The following KANK1 variants were observed in gnomAD, a reference collection of about 807,000 sequenced individuals.
The protein encoded by KANK1 is KN motif and ankyrin repeat domain-containing protein 1.
A neutral mutation model predicts 106.2 loss-of-function variants in KANK1; 109 were observed. The ratio of observed to expected loss-of-function variants is 1.03; its 90% CI spans 0.88 to 1.20. KANK1 has a LOEUF of 1.20. KANK1 is among the 50% of genes most tolerant of loss of function. KANK1 has a pLI of 0.00. For synonymous variants in KANK1, 873 were observed against 652.2 expected (o/e 1.34, Z -5.16); for missense variants, 2,399 against 1,710.7 (o/e 1.40, Z -7.10).
At chr9:652,113 T>C (rs1274542589) in intron 1 of KANK1, among the ~76,000 whole-genome samples, 1 of 152,214 alleles carries the variant, frequency 6.6e-6, no homozygotes, top group Non-Finnish European at 1.5e-5. Flanking sequence ...ATTTTCTTCA[T>C]CTCACAGATT....
At chr9:497,462 T>G (rs10120651) in intron 3 of KANK1, among the ~76,000 whole-genome samples, 1 of 150,764 alleles carries the variant, frequency 6.6e-6, no homozygotes, top group Non-Finnish European at 1.5e-5. Flanking sequence ...ACTCACACTC[T>G]TGCCACCATG....
intron 1 of KANK1, among the ~76,000 whole-genome samples, chr9:623,185 T>G (rs1833556890): frequency 6.6e-6 from 1 of 151,938 alleles, no homozygotes; most frequent in Admixed American, 6.6e-5. Context: ...GTCCATAATA[T>G]ACGAGAAACT....
At chr9:484,650 G>A (rs1051209327) in intron 3 of KANK1, among the ~76,000 whole-genome samples, 6 of 152,028 alleles carry the variant, frequency 3.9e-5, no homozygotes, top group Admixed American at 3.3e-4. Context: ...GATATAAAGT[G>A]ACCAAAAAGA....
At chr9:614,064 G>A (rs1374199140) in intron 1 of KANK1, among the ~76,000 whole-genome samples, 9 of 152,264 alleles carry the variant, frequency 5.9e-5, no homozygotes, top group African/African-American at 1.4e-4. Flanking sequence ...GGAGCAAGTC[G>A]GCCAGCAGAG....
In KANK1 at chr9:742,642, T is replaced by G. The variant is rs10758863; in HGVS notation, c.3897+237T>G. 0.42 allele frequency among the ~76,000 whole-genome samples: 63,862 copies of G among 152,000 alleles called. 13,536 individuals are homozygous for G. Among genetic ancestry groups the G allele is most frequent in the South Asian group, 0.51 (2,463 of 4,814 alleles). ...GAATAAATAGGCCCTACCCCAAAAA[T>G]TCATGAAATGAAAAAGTGATTTAAC... On this transcript the variant is annotated intron_variant, in intron 10 of 11. Coordinates refer to ENST00000382297, the MANE Select transcript of KANK1 (RefSeq NM_015158.5).
chr9:679,152 G>T (rs577796761), intron 2 of KANK1, among the ~76,000 whole-genome samples: 1 of 152,262 alleles, frequency 6.6e-6, no homozygotes, highest in African/African-American at 2.4e-5. Context: ...GTGACTTTCA[G>T]GGTGTCAGAG....
intron 3 of KANK1, among the ~76,000 whole-genome samples, chr9:489,851 A>C (rs187116254): frequency 9.4e-4 from 143 of 152,318 alleles, no homozygotes; most frequent in Non-Finnish European, 1.2e-3. Context: ...GATTATAGTT[A>C]ACAGTTCTAG....
chr9:535,247 T>A (rs1368229986), intron 1 of KANK1, among the ~76,000 whole-genome samples: 1 of 152,172 alleles, frequency 6.6e-6, no homozygotes, highest in Non-Finnish European at 1.5e-5. Flanking sequence ...CCCCATTAGG[T>A]CCCCAAACCT....
At chr9:631,577 C>T (rs913740390) in intron 1 of KANK1, among the ~76,000 whole-genome samples, 4 of 152,112 alleles carry the variant, frequency 2.6e-5, no homozygotes, top group African/African-American at 7.2e-5. Flanking sequence ...CAAGGCAAGT[C>T]GTTTTCCTCA....
chr9:698,134 G>A (rs1239692172), intron 2 of KANK1, among the ~76,000 whole-genome samples: 1 of 152,148 alleles, frequency 6.6e-6, no homozygotes, highest in Non-Finnish European at 1.5e-5. Context: ...GGTCAGATGC[G>A]GGTGGATAGG....
At chr9:472,093 C>T (rs1235959148) in intron 2 of KANK1, among the ~76,000 whole-genome samples, 1 of 152,210 alleles carries the variant, frequency 6.6e-6, no homozygotes, top group Non-Finnish European at 1.5e-5. Flanking sequence ...ATTATTGGTG[C>T]TTCATAAATG....
intron 1 of KANK1, among the ~76,000 whole-genome samples, chr9:513,939 C>T (rs1354373632): frequency 1.3e-5 from 2 of 152,138 alleles, no homozygotes; most frequent in Non-Finnish European, 2.9e-5. Context: ...ATTGCTTGAA[C>T]CCAGGAGGTG....
At chr9:562,906 G>GT (rs930703096) in intron 1 of KANK1, among the ~76,000 whole-genome samples, 1 of 152,116 alleles carries the variant, frequency 6.6e-6, no homozygotes, top group African/African-American at 2.4e-5. Context: ...GCATTTCATT[G>GT]TTTTATTAAC....
chr9:513,849 T>A (rs2132933637), intron 1 of KANK1, among the ~76,000 whole-genome samples: 1 of 152,114 alleles, frequency 6.6e-6, no homozygotes, highest in Non-Finnish European at 1.5e-5. Flanking sequence ...AAACCCCATC[T>A]CTACTAAAAA....
chr9:735,263 G>A lies in KANK1; in HGVS notation c.3333+428G>A, dbSNP rs186254795. Among the ~76,000 whole-genome samples the A allele has an allele frequency of 5.8e-4, 88 of 152,234 alleles. 2 individuals are homozygous for A. The highest frequency in any genetic ancestry group is 2.1e-3 in the African/African-American group (86 of 41,526). On this transcript the variant is annotated intron_variant, in intron 7 of 11. Transcript: ENST00000382297. ...TGAGCCAAGGTCAGCATTCCTTTCA[G>A]TTATGAAACTGTATGTTATGCTCTG...
At chr9:667,781 T>C (rs113141371) in intron 1 of KANK1, among the ~76,000 whole-genome samples, 4,300 of 149,738 alleles carry the variant, frequency 0.029, 219 homozygotes, top group African/African-American at 0.098. Flanking sequence ...CCCTCTGTCA[T>C]CCAGGCTGGA....
At chr9:500,526 A>C (rs750650126), upstream of KANK1, among the ~76,000 whole-genome samples, 3 of 152,208 alleles carry the variant, frequency 2.0e-5, no homozygotes, top group Admixed American at 6.5e-5. Context: ...AAGGATGAAA[A>C]TGAGCCCCAT....
intron 1 of KANK1, among the ~76,000 whole-genome samples, chr9:655,518 C>T (rs1165341997): frequency 3.3e-5 from 5 of 152,104 alleles, no homozygotes; most frequent in African/African-American, 7.2e-5. Context: ...GCATACAAAT[C>T]ACCTGGGGGT....
chr9:688,785 C>T (rs914588535), intron 2 of KANK1, among the ~76,000 whole-genome samples: 1 of 152,072 alleles, frequency 6.6e-6, no homozygotes, highest in Non-Finnish European at 1.5e-5. Context: ...GCAGCACAAC[C>T]AGATAGGGAG....
Sources: gnomAD v4.1 joint callset for allele counts (sites outside exome capture counted in the v4.1 genomes callset) on GRCh38, gnomAD v4.1.1 for gene constraint, MANE v1.5 for transcripts, NCBI Gene and HGNC (gene_info 2026-07-23, HGNC 2026-07-21) for gene names.